Variants in C8orf34 observed in about 807,000 individuals in gnomAD.
C8orf34 encodes uncharacterized protein C8orf34.
C8orf34 carries 65 observed loss-of-function variants against 68.3 expected under a neutral mutation model. The observed-to-expected ratio is 0.95, with a 90% confidence interval of 0.78 to 1.17. The LOEUF (loss-of-function observed/expected upper bound fraction) is 1.17. Ranked by LOEUF, C8orf34 falls within the 50% of genes most tolerant of loss-of-function variation. The probability of loss-of-function intolerance (pLI) is 0.00; values close to 1 mark genes in which losing one functional copy is unlikely to be tolerated. For missense variants in C8orf34, 664 were observed against 655.4 expected, an observed-to-expected ratio of 1.01 and a Z score of -0.14; for synonymous variants, 244 against 241.2, an observed-to-expected ratio of 1.01 and a Z score of -0.11.
intron 3 of C8orf34, among the ~76,000 whole-genome samples, chr8:68,463,626 G>A (rs1005388519): frequency 3.9e-5 from 6 of 152,140 alleles, no homozygotes; most frequent in African/African-American, 1.4e-4. Context: ...GGGATGCAAG[G>A]CTGGTTCAAT....
At chr8:68,554,826 G>A (rs1194579895) in intron 7 of C8orf34, among the ~76,000 whole-genome samples, 2 of 152,072 alleles carry the variant, frequency 1.3e-5, no homozygotes, top group Non-Finnish European at 2.9e-5. Flanking sequence ...ATGGAATTGT[G>A]TATACACACC....
intron 5 of C8orf34, among the ~76,000 whole-genome samples, chr8:68,505,497 C>T (rs959415265): frequency 5.3e-5 from 5 of 94,436 alleles, no homozygotes; most frequent in Admixed American, 1.8e-4. Context: ...TTTGGGAGGC[C>T]GAGGCGGGTG....
At chr8:68,477,695 C>T (rs749815806) in intron 4 of C8orf34, among the ~76,000 whole-genome samples, 7 of 152,238 alleles carry the variant, frequency 4.6e-5, no homozygotes, top group Admixed American at 6.5e-5. Flanking sequence ...GGGCTCCACC[C>T]GTGTAGCAGA....
chr8:68,725,563 T>C (rs1399302704), intron 10 of C8orf34, among the ~76,000 whole-genome samples: 1 of 152,224 alleles, frequency 6.6e-6, no homozygotes, highest in Non-Finnish European at 1.5e-5. Context: ...AATTATTAAG[T>C]GCTTCACATA....
chr8:68,650,919 C>T (rs531293559), intron 8 of C8orf34, among the ~76,000 whole-genome samples: 2 of 152,320 alleles, frequency 1.3e-5, no homozygotes, highest in East Asian at 1.9e-4. Context: ...TCTATTGGCA[C>T]AGCTGCCAGC....
chr8:68,715,625 T>C (rs1821449123), intron 9 of C8orf34, among the ~76,000 whole-genome samples: 1 of 151,060 alleles, frequency 6.6e-6, no homozygotes, highest in Non-Finnish European at 1.5e-5. Flanking sequence ...TGGCCTACTA[T>C]GGCCATTTTT....
chr8:68,654,162 C>G (rs1431030501), intron 8 of C8orf34, among the ~76,000 whole-genome samples: 4 of 151,974 alleles, frequency 2.6e-5, no homozygotes, highest in Admixed American at 6.6e-5. Context: ...GCATGCTTGC[C>G]CACCCTTCCA....
At chr8:68,640,541 A>G (rs370507717) in intron 8 of C8orf34, 30 bp downstream of exon 8, 122 of 1,579,948 alleles carry the variant, frequency 7.7e-5, no homozygotes, top group Non-Finnish European at 9.9e-5. Flanking sequence ...TAGTATATAT[A>G]AACATGATCT....
At chr8:68,729,625 T>C (rs1298716977) in intron 10 of C8orf34, among the ~76,000 whole-genome samples, 2 of 152,120 alleles carry the variant, frequency 1.3e-5, no homozygotes, top group Non-Finnish European at 2.9e-5. Context: ...AAAATAATTT[T>C]TAAAAATCTA....
intron 2 of C8orf34, 107 bp downstream of exon 2, chr8:68,439,753 G>A (rs1810821049): frequency 2.8e-6 from 3 of 1,074,868 alleles, no homozygotes; most frequent in Non-Finnish European, 3.9e-6. Context: ...GTTACCAAAG[G>A]TTTCATGTGT....
At chr8:68,346,412 A>T (rs1436191033) in intron 1 of C8orf34, among the ~76,000 whole-genome samples, 1 of 152,040 alleles carries the variant, frequency 6.6e-6, no homozygotes, top group East Asian at 1.9e-4. Flanking sequence ...CCAGAGTGTA[A>T]CATTTATTAC....
chr8:68,675,569 T>TAA (rs141125477), intron 8 of C8orf34, among the ~76,000 whole-genome samples: 9,250 of 140,056 alleles, frequency 0.066, 394 homozygotes, highest in Middle Eastern at 0.12. Context: ...TAATCTCAAA[T>TAA]AAAAAAAAAA....
intron 8 of C8orf34, among the ~76,000 whole-genome samples, chr8:68,702,327 T>C (rs1821042167): frequency 6.6e-6 from 1 of 152,158 alleles, no homozygotes; most frequent in Admixed American, 6.6e-5. Flanking sequence ...TATTATGTTT[T>C]TAGTAGTGCA....
At position 68,389,516 on chromosome 8, in the gene C8orf34, T is replaced by C. The variant is rs79565175; in HGVS notation, c.328-49983T>C. On this transcript the variant is annotated intron_variant, in intron 1 of 13. Transcript: ENST00000518698. ...ATTGCGATGATTACTTATGGGCACA[T>C]TTTAAGCACCTACAACACCTAAGTA... 4.9e-3 allele frequency among the ~76,000 whole-genome samples: 740 copies of C among 152,290 alleles called. 6 individuals carry two copies. Among genetic ancestry groups the C allele is most frequent in the African/African-American group, 0.017 (694 of 41,558 alleles).
rs137887702 is a variant in C8orf34 at position 68,644,374 on chromosome 8, T to C, written c.1241+3863T>C. ...GTGTCAATTCCTAGTCTCCCTCTCC[T>C]GTGATAAAAGTTCATCTTCCTTGGT... On this transcript the variant is annotated intron_variant, in intron 8 of 13. Transcript: ENST00000518698. Among the ~76,000 whole-genome samples the C allele has an allele frequency of 2.2e-3, 336 of 152,260 alleles. 1 individual carries two copies. The highest frequency in any genetic ancestry group is 0.01 in the Middle Eastern group (3 of 294).
intron 7 of C8orf34, among the ~76,000 whole-genome samples, chr8:68,605,517 A>G (rs1055026245): frequency 6.6e-6 from 1 of 151,852 alleles, no homozygotes; most frequent in Non-Finnish European, 1.5e-5. Context: ...GAAACTGAGT[A>G]TTTTTTAGCA....
intron 8 of C8orf34, among the ~76,000 whole-genome samples, chr8:68,670,444 A>G (rs1819973407): frequency 6.6e-6 from 1 of 152,206 alleles, no homozygotes; most frequent in South Asian, 2.1e-4. Context: ...CACCATACAC[A>G]GATAACCTTT....
chr8:68,802,639 C>T (rs956039389), intron 12 of C8orf34, among the ~76,000 whole-genome samples: 2 of 152,020 alleles, frequency 1.3e-5, no homozygotes, highest in African/African-American at 4.8e-5. Context: ...GCTGGGACTA[C>T]AGGGGTATGC....
At chr8:68,729,767 C>T (rs914794875) in intron 10 of C8orf34, among the ~76,000 whole-genome samples, 4 of 152,138 alleles carry the variant, frequency 2.6e-5, no homozygotes, top group African/African-American at 9.6e-5. Context: ...ATGTATTTAC[C>T]TATACATATT....
Sources: allele counts gnomAD v4.1 joint callset (sites outside exome capture counted in the v4.1 genomes callset), GRCh38; gene constraint gnomAD v4.1.1; transcripts MANE v1.5; gene names NCBI Gene and HGNC (gene_info 2026-07-23, HGNC 2026-07-21).